The following MSI2 variants were observed in gnomAD, a reference collection of about 807,000 sequenced individuals.
MSI2 encodes musashi RNA binding protein 2.
A neutral mutation model predicts 45.6 loss-of-function variants in MSI2; 17 were observed. That is an observed-to-expected ratio of 0.37 (90% CI 0.26 to 0.56). The LOEUF is 0.56. MSI2 is among the 20% of genes least tolerant of loss of function. The pLI, the probability that MSI2 is intolerant of heterozygous loss-of-function variation, is 0.77. For synonymous variants in MSI2, 156 were observed against 158.2 expected, an observed-to-expected ratio of 0.99 and a Z score of 0.11; for missense variants, 293 against 444.2, an observed-to-expected ratio of 0.66 and a Z score of 3.06.
chr17:57,653,110 G>T (rs1369772087), intron 11 of MSI2, among the ~76,000 whole-genome samples: 1 of 152,044 alleles, frequency 6.6e-6, no homozygotes, highest in African/African-American at 2.4e-5. Context: ...GCTGGGCAGG[G>T]TGGGGGGCTG....
In MSI2 at chr17:57,675,007, GC is replaced by G. The variant is rs768089783; in HGVS notation, c.828del (p.Asn277ThrfsTer23). The G allele has an allele frequency of 6.2e-7, 1 of 1,613,702 alleles. No homozygotes were observed. Among genetic ancestry groups the G allele is most frequent in the Non-Finnish European group, 8.5e-7 (1 of 1,179,874 alleles). Reference sequence around the variant, plus strand: ...GGCGCGGCCCGGAGGCTTCCCGGGGGCCAACAGCCCAGGACCTGTCGCCGAT... The same window carrying G: ...GGCGCGGCCCGGAGGCTTCCCGGGGGCAACAGCCCAGGACCTGTCGCCGAT... The part of the protein sequence containing the change: ...NPARPGGFPG[A>X]NSPGPVADLY... On this transcript the variant is annotated frameshift_variant, in exon 12 of 14. Transcript: ENST00000284073. LOFTEE classifies it high-confidence loss of function.
intron 11 of MSI2, among the ~76,000 whole-genome samples, chr17:57,667,226 C>A (rs943100516): frequency 1.3e-5 from 2 of 152,200 alleles, no homozygotes; most frequent in Admixed American, 6.5e-5. Context: ...CTTGCAAATT[C>A]TAACCTGTGT....
intron 5 of MSI2, among the ~76,000 whole-genome samples, chr17:57,350,629 C>T (rs1474169644): frequency 1.3e-5 from 2 of 152,156 alleles, no homozygotes; most frequent in Non-Finnish European, 2.9e-5. Flanking sequence ...GTTTATGCTT[C>T]CCTGCCTTTG....
chr17:57,413,916 G>C (rs2084244450), intron 6 of MSI2, among the ~76,000 whole-genome samples: 1 of 151,894 alleles, frequency 6.6e-6, no homozygotes, highest in Non-Finnish European at 1.5e-5. Context: ...TCATTCATTT[G>C]TTCATTGATT....
At position 57,339,503 on chromosome 17, in the gene MSI2, C is replaced by T. The variant is rs543604604; in HGVS notation, c.313-61876C>T. Among the ~76,000 whole-genome samples the T allele has an allele frequency of 5.9e-5, 9 of 152,260 alleles. No individual in the cohort carries two copies. The East Asian group carries it at 1.7e-3, about 29-fold the overall frequency. Reference sequence around the variant, plus strand: ...GGCTGCTCCTCCCTCCCTCGGGCCCCCTCCCTGTGGCACGGACTTGCCCTG... The same window carrying T: ...GGCTGCTCCTCCCTCCCTCGGGCCCTCTCCCTGTGGCACGGACTTGCCCTG... On this transcript the variant is annotated intron_variant, in intron 5 of 13. Transcript: ENST00000284073.
At chr17:57,326,724 C>G (rs1237106429) in intron 5 of MSI2, among the ~76,000 whole-genome samples, 2 of 152,200 alleles carry the variant, frequency 1.3e-5, no homozygotes, top group Non-Finnish European at 2.9e-5. Flanking sequence ...TGAGAAGTTA[C>G]TTATCTTATC....
Position 57,681,904 on chromosome 17 carries a change from T to A in MSI2, c.*2387T>A, listed in dbSNP as rs1913625611. ...GAATTTAATTCCTATTTTGTCCATG[T>A]TGGTGATGTACTGTACTTCCCTTCC... On this transcript the variant is annotated 3_prime_UTR_variant, in exon 14 of 14. Coordinates refer to ENST00000284073, the MANE Select transcript of MSI2 (RefSeq NM_138962.4). The A allele has an allele frequency of 4.8e-6, 1 of 207,354 alleles. No homozygotes were observed. Among genetic ancestry groups the A allele is most frequent in the African/African-American group, 2.3e-5 (1 of 43,864 alleles). The allele number at this position is 207,354 out of a possible 1,614,324, so 12.8% of individuals were successfully genotyped here. A position where few individuals can be genotyped will look rare whatever the true frequency, so the allele number is the denominator to read the frequency against.
chr17:57,334,289 G>A (rs895010384), intron 5 of MSI2, among the ~76,000 whole-genome samples: 1 of 152,140 alleles, frequency 6.6e-6, no homozygotes, highest in Admixed American at 6.5e-5. Context: ...AAAATCTGAG[G>A]GTTGGATGAA....
chr17:57,595,913 ATGC>A (rs1456728838), intron 7 of MSI2, among the ~76,000 whole-genome samples: 1 of 152,168 alleles, frequency 6.6e-6, no homozygotes, highest in Admixed American at 6.5e-5. Flanking sequence ...CATAAAGTAG[ATGC>A]ACAGTGAGAA....
At chr17:57,610,177 G>T (rs1380268897) in intron 8 of MSI2, among the ~76,000 whole-genome samples, 1 of 152,154 alleles carries the variant, frequency 6.6e-6, no homozygotes, top group African/African-American at 2.4e-5. Context: ...TCCTGGCCAG[G>T]TGCAGTGGCT....
chr17:57,318,818 A>G (rs1275936539), intron 5 of MSI2, among the ~76,000 whole-genome samples: 1 of 152,210 alleles, frequency 6.6e-6, no homozygotes, highest in African/African-American at 2.4e-5. Context: ...GCCTCGCTGC[A>G]GGAACATCTG....
chr17:57,570,817 C>G (rs1407865152), intron 7 of MSI2, among the ~76,000 whole-genome samples: 1 of 152,200 alleles, frequency 6.6e-6, no homozygotes, highest in African/African-American at 2.4e-5. Flanking sequence ...ATGCAGAAGG[C>G]TGCTGGATCC....
At chr17:57,345,782 G>A (rs1264874633) in intron 5 of MSI2, among the ~76,000 whole-genome samples, 1 of 144,836 alleles carries the variant, frequency 6.9e-6, no homozygotes, top group Admixed American at 7.1e-5. Context: ...TCACACCACC[G>A]CACTCCAGCC....
At chr17:57,285,891 G>C (rs1411903797) in intron 5 of MSI2, 7 of 1,530,310 alleles carry the variant, frequency 4.6e-6, no homozygotes, top group Middle Eastern at 1.7e-4. Flanking sequence ...TAGATGATGA[G>C]GGGTTATATT....
intron 10 of MSI2, chr17:57,630,639 C>T (rs552793970): frequency 6.6e-6 from 1 of 152,410 alleles, no homozygotes; most frequent in East Asian, 1.9e-4. Context: ...AGGATATGCT[C>T]CTTGTGGAGT....
At chr17:57,498,179 G>T (rs1276056094) in intron 6 of MSI2, among the ~76,000 whole-genome samples, 1 of 152,176 alleles carries the variant, frequency 6.6e-6, no homozygotes, top group Non-Finnish European at 1.5e-5. Flanking sequence ...TGATTTAAAA[G>T]AAGAGTTGGT....
intron 7 of MSI2, among the ~76,000 whole-genome samples, chr17:57,589,305 A>G (rs899647492): frequency 2.0e-5 from 3 of 152,228 alleles, no homozygotes; most frequent in Admixed American, 6.5e-5. Context: ...GCTGCTTTTG[A>G]AAAGGTAGCT....
chr17:57,621,786 C>T (rs1908311919), intron 9 of MSI2, among the ~76,000 whole-genome samples: 1 of 152,158 alleles, frequency 6.6e-6, no homozygotes, highest in South Asian at 2.1e-4. Context: ...TTGACAGAAT[C>T]ACAGAATAAT....
chr17:57,336,936 T>G (rs1914734142), intron 5 of MSI2, among the ~76,000 whole-genome samples: 1 of 152,170 alleles, frequency 6.6e-6, no homozygotes, highest in Non-Finnish European at 1.5e-5. Context: ...AAGCAGCTGT[T>G]CTGGGCTGCA....
Sources: gnomAD v4.1 joint callset for allele counts (sites outside exome capture counted in the v4.1 genomes callset) on GRCh38, gnomAD v4.1.1 for gene constraint, MANE v1.5 for transcripts, NCBI Gene and HGNC (gene_info 2026-07-23, HGNC 2026-07-21) for gene names.